SYNRG: variants seen among roughly 807,000 people sequenced by gnomAD.
SYNRG encodes synergin gamma, also known as AP1 gamma subunit binding protein 1.
SYNRG carries 37 observed loss-of-function variants against 130.9 expected under a neutral mutation model. That is an observed-to-expected ratio of 0.28 (90% CI 0.22 to 0.37). SYNRG has a LOEUF of 0.37. Among genes scored for constraint, SYNRG ranks in the 10% least tolerant of loss-of-function variants. The pLI, the probability that SYNRG is intolerant of heterozygous loss-of-function variation, is 1.00. For missense variants in SYNRG, 1,338 were observed against 1,588.9 expected, an observed-to-expected ratio of 0.84 and a Z score of 2.68; for synonymous variants, 539 against 568.1, an observed-to-expected ratio of 0.95 and a Z score of 0.73.
At chr17:37,540,134 G>A (rs2057606813) in intron 16 of SYNRG, among the ~76,000 whole-genome samples, 1 of 152,190 alleles carries the variant, frequency 6.6e-6, no homozygotes, top group Non-Finnish European at 1.5e-5. Context: ...TGCCATCCTT[G>A]TGAAGTCCCA....
At chr17:37,599,742 C>A (rs924813066) in intron 2 of SYNRG, among the ~76,000 whole-genome samples, 21 of 152,148 alleles carry the variant, frequency 1.4e-4, no homozygotes, top group South Asian at 4.2e-4. Context: ...AAATAAAAAA[C>A]CAAACAAAAT....
intron 13 of SYNRG, among the ~76,000 whole-genome samples, chr17:37,554,508 A>T (rs1020622906): frequency 6.6e-6 from 1 of 152,246 alleles, no homozygotes; most frequent in Non-Finnish European, 1.5e-5. Context: ...AGGTACCAAT[A>T]AAGTATTATG....
intron 3 of SYNRG, 42 bp downstream of exon 3, chr17:37,596,181 C>A (rs912161301): frequency 3.7e-6 from 6 of 1,604,620 alleles, no homozygotes; most frequent in Admixed American, 1.7e-5. Flanking sequence ...AACGTAACAA[C>A]AAACAATAAC....
At chr17:37,569,061 T>C (rs1456449773) in intron 10 of SYNRG, 137 bp from the exon 11 acceptor site, 1 of 871,886 alleles carries the variant, frequency 1.1e-6, no homozygotes, top group East Asian at 2.6e-5. Flanking sequence ...ACGGCAGGAA[T>C]CCTGTTTTGT....
chr17:37,520,275 A>G, intron 20 of SYNRG, 61 bp from the exon 21 acceptor site: 1 of 1,605,858 alleles, frequency 6.2e-7, no homozygotes, highest in Non-Finnish European at 8.5e-7. Flanking sequence ...CTTGCCTCCA[A>G]ACACATCTTT....
rs551938088 is a variant in SYNRG, at chr17:37,563,335, G to A, written c.1482-1746C>T. Among the ~76,000 whole-genome samples, 67 of 151,974 alleles carry A rather than the reference G, an allele frequency of 4.4e-4. 1 individual carries two copies. Among genetic ancestry groups the A allele is most frequent in the African/African-American group, 1.4e-3 (58 of 41,420 alleles). ...CTAAAAGGTAAGACTTAAAAAATTC[G>A]GCCACAAAAAAGTATTTTACATTTT... is the stretch of plus-strand genomic sequence containing the variant. On this transcript the variant is annotated intron_variant, in intron 11 of 21. Coordinates refer to ENST00000612223, the MANE Select transcript of SYNRG (RefSeq NM_007247.6).
chr17:37,570,304 A>G (rs956297520), intron 10 of SYNRG, among the ~76,000 whole-genome samples: 1 of 152,078 alleles, frequency 6.6e-6, no homozygotes, highest in African/African-American at 2.4e-5. Context: ...GGTACACACT[A>G]TCATGCCCAG....
chr17:37,590,591 T>C (rs946976762), intron 3 of SYNRG, among the ~76,000 whole-genome samples: 4 of 152,144 alleles, frequency 2.6e-5, no homozygotes, highest in Non-Finnish European at 1.5e-5. Context: ...ATATGATATA[T>C]TGCTCATGAG....
At position 37,519,521 on chromosome 17, in the gene SYNRG, G is replaced by C. The variant is rs114336175; in HGVS notation, c.3814-450C>G. On this transcript the variant is annotated intron_variant, in intron 21 of 21. Coordinates refer to ENST00000612223, the MANE Select transcript of SYNRG (RefSeq NM_007247.6). ...GACAAAAAATTACAAGAGAGTTAGA[G>C]AACGAGAGAGTTAGAAAACGAGAGA... is the stretch of plus-strand genomic sequence containing the variant. 3.9e-3 allele frequency among the ~76,000 whole-genome samples: 592 copies of C among 152,096 alleles called. 5 individuals carry two copies. Among genetic ancestry groups the C allele is most frequent in the African/African-American group, 0.012 (486 of 41,496 alleles).
intron 11 of SYNRG, among the ~76,000 whole-genome samples, chr17:37,563,518 T>C (rs1250762959): frequency 1.3e-5 from 2 of 152,142 alleles, no homozygotes; most frequent in Non-Finnish European, 2.9e-5. Flanking sequence ...TGTTAACCCT[T>C]TGTGAACTTT....
chr17:37,535,812 T>C (rs1187746152), intron 19 of SYNRG, among the ~76,000 whole-genome samples, 167 bp downstream of exon 19: 1 of 152,222 alleles, frequency 6.6e-6, no homozygotes, highest in African/African-American at 2.4e-5. Flanking sequence ...GAAGCCCACC[T>C]GGTACTGTTC....
intron 1 of SYNRG, among the ~76,000 whole-genome samples, chr17:37,604,837 T>C (rs1218806745): frequency 6.6e-6 from 1 of 152,184 alleles, no homozygotes; most frequent in Non-Finnish European, 1.5e-5. Flanking sequence ...AATACTGTTA[T>C]GTCTCAGGGA....
chr17:37,529,215 G>A (rs527701190), intron 19 of SYNRG, among the ~76,000 whole-genome samples: 43 of 152,262 alleles, frequency 2.8e-4, no homozygotes, highest in Admixed American at 1.0e-3. Context: ...AGGAGTAAGC[G>A]CCACCGTATG....
At chr17:37,525,891 A>G (rs1286800078) in intron 19 of SYNRG, among the ~76,000 whole-genome samples, 1 of 152,218 alleles carries the variant, frequency 6.6e-6, no homozygotes, top group Non-Finnish European at 1.5e-5. Context: ...GCTTGAACCC[A>G]GGAGGTGGAG....
chr17:37,567,774 C>G (rs192659525), intron 11 of SYNRG: 16 of 152,176 alleles, frequency 1.1e-4, no homozygotes, highest in Non-Finnish European at 1.9e-4. Context: ...ATGAGCGAAA[C>G]TGCATAAACA....
At position 37,542,401 on chromosome 17, in the gene SYNRG, T is replaced by C. The variant is rs139057703; in HGVS notation, c.2773A>G (p.Ile925Val). The change falls in exon 15 of 22, where the codon ATT becomes GTT. Residue 925 changes from isoleucine to valine, a missense_variant. Around this residue, in one of 3 missense-constraint regions of SYNRG, gnomAD observed 1,146 missense variants for 1,342.3 expected, o/e 0.85. Transcript: ENST00000612223. ...AGSGSPSATS[I>V]LQKKETSFGS... Reference sequence around the variant, plus strand: ...AATGAAGTCTCTTTCTTTTGAAGAATTGAGGTGGCTGAGGGGGATCCACTT... The same window carrying C: ...AATGAAGTCTCTTTCTTTTGAAGAACTGAGGTGGCTGAGGGGGATCCACTT... The C allele has an allele frequency of 5.5e-3, 8,911 of 1,614,144 alleles. 48 individuals carry two copies. The highest frequency in any genetic ancestry group is 6.3e-3 in the Non-Finnish European group (7,493 of 1,180,028).
chr17:37,543,858 G>A (rs1433211267), intron 14 of SYNRG, among the ~76,000 whole-genome samples: 1 of 152,224 alleles, frequency 6.6e-6, no homozygotes, highest in Non-Finnish European at 1.5e-5. Flanking sequence ...GGGTTGATAT[G>A]CATTTCGTTT....
At chr17:37,554,132 T>G in intron 13 of SYNRG, 73 bp from the exon 14 acceptor site, 1 of 1,378,646 alleles carries the variant, frequency 7.3e-7, no homozygotes, top group East Asian at 2.4e-5. Flanking sequence ...TATATTAAAC[T>G]GCAAGCATAA....
chr17:37,543,886 A>C (rs535401616), intron 14 of SYNRG, among the ~76,000 whole-genome samples: 115 of 152,378 alleles, frequency 7.5e-4, no homozygotes, highest in African/African-American at 2.6e-3. Context: ...GTCACTGTAC[A>C]TGAGGCAAGA....
Sources: allele counts gnomAD v4.1 joint callset (sites outside exome capture counted in the v4.1 genomes callset), GRCh38; gene constraint gnomAD v4.1.1; regional missense constraint gnomAD v4.1.1; transcripts MANE v1.5; gene names NCBI Gene and HGNC (gene_info 2026-07-23, HGNC 2026-07-21).